Variants in SSPN observed in about 807,000 individuals in gnomAD.
SSPN encodes the protein sarcospan.
In SSPN, 15 loss-of-function variants were observed where a neutral mutation model predicts 19.1. That is an observed-to-expected ratio of 0.78 (90% CI 0.52 to 1.21). The LOEUF is 1.21. Ranked by LOEUF, SSPN falls within the 50% of genes most tolerant of loss-of-function variation. SSPN has a pLI of 0.00. For synonymous variants in SSPN, 147 were observed against 140.3 expected, an observed-to-expected ratio of 1.05 and a Z score of -0.34; for missense variants, 291 against 314.0, an observed-to-expected ratio of 0.93 and a Z score of 0.55.
At chr12:26,190,013 A>C (rs570343457) in intron 1 of SSPN, among the ~76,000 whole-genome samples, 1 of 152,334 alleles carries the variant, frequency 6.6e-6, no homozygotes, top group Admixed American at 6.5e-5. Flanking sequence ...GTACAAGAAG[A>C]AAAAGGCTGA....
intron 1 of SSPN, among the ~76,000 whole-genome samples, chr12:26,167,138 T>C (rs10842684): frequency 0.64 from 97,935 of 152,240 alleles, 34,509 homozygotes; most frequent in East Asian, 0.83. Context: ...CTTTAATTAG[T>C]CAATTAATTC....
chr12:26,166,397 T>C (rs60490466), intron 1 of SSPN, among the ~76,000 whole-genome samples: 1 of 152,222 alleles, frequency 6.6e-6, no homozygotes, highest in Non-Finnish European at 1.5e-5. Flanking sequence ...CTCGGAAATG[T>C]AGCAACCAAG....
chr12:26,161,675 A>C lies in SSPN; in HGVS notation c.-31+39523A>C, dbSNP rs547693674. ...CAGGTGCCTAGAACAGTGGTTCCCCAATCTTTTTGGTACCAGGGACCAGTT... is the reference window on the plus strand; with the variant it reads ...CAGGTGCCTAGAACAGTGGTTCCCCCATCTTTTTGGTACCAGGGACCAGTT... On this transcript the variant is annotated intron_variant, in intron 1 of 2. Coordinates refer to the SSPN transcript ENST00000538142. 2.0e-5 allele frequency among the ~76,000 whole-genome samples: 3 copies of C among 152,290 alleles called. No homozygotes were observed. In the South Asian group the frequency reaches 6.2e-4, roughly 32 times the overall value.
At chr12:26,210,886 C>T (rs1416719296) in intron 1 of SSPN, among the ~76,000 whole-genome samples, 2 of 152,040 alleles carry the variant, frequency 1.3e-5, no homozygotes, top group Non-Finnish European at 2.9e-5. Flanking sequence ...AGTTTCTTAT[C>T]CTTTCTGAGC....
At position 26,195,670 on chromosome 12, in the gene SSPN, G is replaced by T; in HGVS notation, c.-3G>T. On this transcript the variant is annotated 5_prime_UTR_variant, in exon 1 of 3. Transcript: ENST00000242729. The stretch of plus-strand genomic sequence containing the variant: ...CCACCCACCCACCCAGCCTCGCAGC[G>T]CCATGGGCAAGAACAAGCAGCCACG... 1 of 256,396 alleles carries T rather than the reference G, an allele frequency of 3.9e-6. No individual in the cohort carries two copies. Among genetic ancestry groups the T allele is most frequent in the Non-Finnish European group, 5.7e-6 (1 of 176,482 alleles). 15.9% of individuals were successfully genotyped at this position (256,396 alleles called of 1,614,324 possible). A position where few individuals can be genotyped will look rare whatever the true frequency, so the allele number is the denominator to read the frequency against.
At chr12:26,123,145 T>A in intron 1 of SSPN, 2 of 1,599,840 alleles carry the variant, frequency 1.3e-6, no homozygotes, top group Non-Finnish European at 1.7e-6. Context: ...TCGGACTGAA[T>A]GGGCGATTTC....
At chr12:26,140,157 A>G (rs927444656) in intron 1 of SSPN, among the ~76,000 whole-genome samples, 8 of 152,210 alleles carry the variant, frequency 5.3e-5, no homozygotes, top group Non-Finnish European at 1.2e-4. Flanking sequence ...TTCATGAAAT[A>G]TAGTTGTTTT....
At chr12:26,146,241 T>C (rs1000825775) in intron 1 of SSPN, among the ~76,000 whole-genome samples, 6 of 152,186 alleles carry the variant, frequency 3.9e-5, no homozygotes, top group Admixed American at 2.0e-4. Context: ...CCGAGGCAGA[T>C]GGCCTGAGAT....
intron 1 of SSPN, among the ~76,000 whole-genome samples, chr12:26,208,643 A>T (rs911723983): frequency 6.6e-6 from 1 of 151,704 alleles, no homozygotes; most frequent in Admixed American, 6.6e-5. Context: ...ATTTTTCCCT[A>T]CTCCAAGGCC....
At position 26,168,456 on chromosome 12, in the gene SSPN, G is replaced by A. The variant is rs114971821; in HGVS notation, c.-31+46304G>A. On this transcript the variant is annotated intron_variant, in intron 1 of 2. Coordinates refer to the SSPN transcript ENST00000538142. ...GTTGGGGATGGGGGATGGGGCAAGC[G>A]TGCAAGCATCAACTGTTGCTCCGTA... is the stretch of plus-strand genomic sequence containing the variant. Among the ~76,000 whole-genome samples the A allele has an allele frequency of 5.7e-3, 873 of 152,296 alleles. 10 individuals carry two copies. Among genetic ancestry groups the A allele is most frequent in the African/African-American group, 0.02 (821 of 41,562 alleles).
intron 1 of SSPN, among the ~76,000 whole-genome samples, chr12:26,152,198 T>G (rs1944529719): frequency 6.6e-6 from 1 of 152,176 alleles, no homozygotes; most frequent in South Asian, 2.1e-4. Flanking sequence ...CGTGGCTAAT[T>G]TAAAGCAACC....
intron 1 of SSPN, among the ~76,000 whole-genome samples, chr12:26,134,284 T>C (rs1412888915): frequency 6.6e-6 from 1 of 152,220 alleles, no homozygotes; most frequent in Non-Finnish European, 1.5e-5. Context: ...GTCTTTCCCT[T>C]CTCTTCCTCC....
intron 1 of SSPN, among the ~76,000 whole-genome samples, chr12:26,124,337 C>G (rs992176487): frequency 2.8e-5 from 4 of 141,274 alleles, no homozygotes; most frequent in African/African-American, 1.0e-4. Context: ...TTCTGCAATG[C>G]AATTTAAATT....
At chr12:26,122,247 G>A in intron 1 of SSPN, 2 of 1,275,694 alleles carry the variant, frequency 1.6e-6, no homozygotes, top group Non-Finnish European at 2.0e-6. Flanking sequence ...CGCCTTCTCG[G>A]GAGGGGGCGA....
intron 1 of SSPN, among the ~76,000 whole-genome samples, chr12:26,216,384 G>A (rs979180540): frequency 6.6e-6 from 1 of 151,682 alleles, no homozygotes; most frequent in African/African-American, 2.4e-5. Flanking sequence ...TTTGAGAAGT[G>A]TCTGTTCATG....
chr12:26,218,600 T>G (rs1381869320), intron 1 of SSPN, among the ~76,000 whole-genome samples: 1 of 152,056 alleles, frequency 6.6e-6, no homozygotes, highest in African/African-American at 2.4e-5. Context: ...CCTGAACCAC[T>G]CTTAGGCTTT....
intron 1 of SSPN, chr12:26,123,567 C>CA (rs1289818736): frequency 6.9e-6 from 8 of 1,160,896 alleles, no homozygotes; most frequent in Non-Finnish European, 1.0e-5. Flanking sequence ...GGAGTCCTGA[C>CA]ACTGCTCCCC....
At chr12:26,137,596 A>T (rs965744090) in intron 1 of SSPN, among the ~76,000 whole-genome samples, 1 of 145,256 alleles carries the variant, frequency 6.9e-6, no homozygotes, top group South Asian at 2.2e-4. Flanking sequence ...CCTTGAATAT[A>T]TATATACACA....
chr12:26,211,997 A>T (rs1351335), intron 1 of SSPN, among the ~76,000 whole-genome samples: 7 of 152,160 alleles, frequency 4.6e-5, no homozygotes, highest in East Asian at 1.9e-4. Context: ...TTTATCACAA[A>T]GTACTGGTGA....
Sources: allele counts gnomAD v4.1 joint callset (sites outside exome capture counted in the v4.1 genomes callset), GRCh38; gene constraint gnomAD v4.1.1; transcripts MANE v1.5; gene names NCBI Gene and HGNC (gene_info 2026-07-23, HGNC 2026-07-21).